Variants in KRT8 observed in about 807,000 individuals in gnomAD.
KRT8 encodes the protein keratin, type II cytoskeletal 8.
KRT8 carries 24 observed loss-of-function variants against 43.0 expected under a neutral mutation model. The ratio of observed to expected loss-of-function variants is 0.56; its 90% CI spans 0.40 to 0.78. The LOEUF (loss-of-function observed/expected upper bound fraction) is 0.78. Ranked by LOEUF, KRT8 falls within the 30% of genes least tolerant of loss-of-function variation. KRT8 has a pLI of 0.00. For missense variants in KRT8, 492 were observed against 638.4 expected, an observed-to-expected ratio of 0.77 and a Z score of 2.47; for synonymous variants, 214 against 261.2, an observed-to-expected ratio of 0.82 and a Z score of 1.74.
chr12:52,933,711 G>A (rs1053323437), intron 2 of KRT8, among the ~76,000 whole-genome samples: 2 of 151,844 alleles, frequency 1.3e-5, no homozygotes, highest in South Asian at 2.1e-4. Context: ...TGCAAACTCC[G>A]CCTCCCGGGT....
At chr12:52,934,949 AC>A in intron 2 of KRT8, among the ~76,000 whole-genome samples, 1 of 152,108 alleles carries the variant, frequency 6.6e-6, no homozygotes, top group African/African-American at 2.4e-5. Flanking sequence ...AGCCTGGGCA[AC>A]AAGAGTGAAA....
chr12:52,939,778 C>T (rs962338009), intron 2 of KRT8, among the ~76,000 whole-genome samples: 1 of 151,622 alleles, frequency 6.6e-6, no homozygotes, highest in Non-Finnish European at 1.5e-5. Context: ...AGATAAACAG[C>T]TTTATTCATA....
intron 2 of KRT8, chr12:52,947,425 G>A (rs1301583108): frequency 6.6e-6 from 1 of 152,210 alleles, no homozygotes; most frequent in Non-Finnish European, 1.5e-5. Context: ...TCCTAGGAGT[G>A]CCTGCCTGTC....
intron 2 of KRT8, among the ~76,000 whole-genome samples, chr12:52,912,138 G>A (rs936609859): frequency 1.3e-5 from 2 of 152,238 alleles, no homozygotes; most frequent in Admixed American, 6.5e-5. Flanking sequence ...CACAGGGCAA[G>A]GTCTGAGGGA....
At chr12:52,924,090 G>A (rs572170549) in intron 2 of KRT8, among the ~76,000 whole-genome samples, 2 of 152,080 alleles carry the variant, frequency 1.3e-5, no homozygotes, top group Admixed American at 6.5e-5. Context: ...CAGGTGATCC[G>A]CCTGCCTCAG....
At chr12:52,945,019 C>A (rs1181341646) in intron 2 of KRT8, among the ~76,000 whole-genome samples, 1 of 152,296 alleles carries the variant, frequency 6.6e-6, no homozygotes, top group Middle Eastern at 3.4e-3. Context: ...CTGATGACCC[C>A]CACTGACCTC....
At chr12:52,918,205 CAAGAAGAAGAAGAAGAAGAAGAAG>C (rs371624304) in intron 2 of KRT8, among the ~76,000 whole-genome samples, 1 of 116,574 alleles carries the variant, frequency 8.6e-6, no homozygotes, top group East Asian at 2.7e-4. Flanking sequence ...AGAAGAAGAA[CAAGAAGAAGAAGAAGAAGAAGAAG>C]AAGAAGAAGA....
intron 3 of KRT8, 53 bp from the exon 4 acceptor site, chr12:52,900,736 C>A (rs974187364): frequency 1.9e-5 from 24 of 1,260,650 alleles, no homozygotes; most frequent in Non-Finnish European, 2.7e-5. Flanking sequence ...CCAACCCCAA[C>A]CAAGGGGCTC....
chr12:52,902,166 C>T, intron 1 of KRT8, 94 bp from the exon 2 acceptor site: 1 of 793,052 alleles, frequency 1.3e-6, no homozygotes, highest in Non-Finnish European at 2.1e-6. Context: ...ATTCACTCCT[C>T]AAGCAGTAAG....
At chr12:52,912,639 G>A (rs74089270) in intron 2 of KRT8, among the ~76,000 whole-genome samples, 3,028 of 152,334 alleles carry the variant, frequency 0.02, 100 homozygotes, top group African/African-American at 0.068. Flanking sequence ...GTGAAAAGAC[G>A]TGGGCAGGGG....
intron 2 of KRT8, among the ~76,000 whole-genome samples, chr12:52,912,168 C>T (rs888894414): frequency 2.0e-5 from 3 of 152,234 alleles, no homozygotes; most frequent in Non-Finnish European, 4.4e-5. Flanking sequence ...AGGGCGGGCA[C>T]ATTTTGATGG....
chr12:52,922,971 C>T (rs1366612739), intron 2 of KRT8, among the ~76,000 whole-genome samples: 2 of 152,192 alleles, frequency 1.3e-5, no homozygotes, highest in Admixed American at 6.5e-5. Flanking sequence ...TTCCAGAAGA[C>T]CTCCAGGAGC....
At chr12:52,927,163 G>A (rs1942008072) in intron 2 of KRT8, among the ~76,000 whole-genome samples, 1 of 152,134 alleles carries the variant, frequency 6.6e-6, no homozygotes, top group Non-Finnish European at 1.5e-5. Flanking sequence ...CCACAGCCTG[G>A]ACACACCCCA....
At chr12:52,918,102 A>G (rs200362119) in intron 2 of KRT8, among the ~76,000 whole-genome samples, 83,071 of 118,956 alleles carry the variant, frequency 0.7, 29,933 homozygotes, top group African/African-American at 0.84. Context: ...AAGAAGAGGA[A>G]GAAGAAGAAG....
chr12:52,925,401 T>C (rs1015024005), intron 2 of KRT8, among the ~76,000 whole-genome samples: 1 of 152,160 alleles, frequency 6.6e-6, no homozygotes, highest in African/African-American at 2.4e-5. Flanking sequence ...TACCTAAAAC[T>C]GTGAGACCAC....
chr12:52,926,491 T>C, intron 2 of KRT8: 1 of 1,532,962 alleles, frequency 6.5e-7, no homozygotes, highest in Non-Finnish European at 8.7e-7. Flanking sequence ...ATCAGGCACC[T>C]CCCCACAAAG....
intron 2 of KRT8, among the ~76,000 whole-genome samples, chr12:52,937,387 G>A (rs78274320): frequency 6.8e-6 from 1 of 146,842 alleles, no homozygotes; most frequent in Non-Finnish European, 1.5e-5. Context: ...AAAAAAAAAA[G>A]AGAGAGAGAT....
At chr12:52,918,581 G>C (rs1941825174) in intron 2 of KRT8, among the ~76,000 whole-genome samples, 1 of 152,198 alleles carries the variant, frequency 6.6e-6, no homozygotes, top group Non-Finnish European at 1.5e-5. Flanking sequence ...AAAGGACAGA[G>C]GGTGCAACCA....
intron 4 of KRT8, 68 bp downstream of exon 4, chr12:52,900,520 G>C (rs1180244055): frequency 1.0e-6 from 1 of 987,838 alleles, no homozygotes; most frequent in Non-Finnish European, 1.6e-6. Context: ...GGAGCCTCTG[G>C]TTGAGTCTCA....
Sources: allele counts gnomAD v4.1 joint callset (sites outside exome capture counted in the v4.1 genomes callset), GRCh38; gene constraint gnomAD v4.1.1; transcripts MANE v1.5; gene names NCBI Gene and HGNC (gene_info 2026-07-23, HGNC 2026-07-21).